The following FBXL18 variants were observed in gnomAD, a reference collection of about 807,000 sequenced individuals.
FBXL18 encodes the protein F-box/LRR-repeat protein 18.
In FBXL18, 36 loss-of-function variants were observed where a neutral mutation model predicts 46.0. That is an observed-to-expected ratio of 0.78 (90% CI 0.60 to 1.03). The LOEUF (loss-of-function observed/expected upper bound fraction) is 1.03. FBXL18 is among the 50% of genes least tolerant of loss of function. The probability of loss-of-function intolerance (pLI) is 0.00; values close to 1 mark genes in which losing one functional copy is unlikely to be tolerated. For missense variants in FBXL18, 977 were observed against 1,004.1 expected (o/e 0.97, Z 0.36); for synonymous variants, 557 against 465.3 (o/e 1.20, Z -2.54).
rs1562683254 is a variant in FBXL18, at chr7:5,480,546, ATATTTTTTT to A, written c.*1220_*1228del. On this transcript the variant is annotated 3_prime_UTR_variant, in exon 5 of 5. Transcript: ENST00000382368. ...GTGTTGAATATATATATATATATAT[ATATTTTTTT>A]TTTTTTTTTTTTTTTTTTTTTTTTT... 1.8e-5 allele frequency: 1 copy of A among 55,412 alleles called. No homozygotes were observed. The highest frequency in any genetic ancestry group is 7.5e-5 in the African/African-American group (1 of 13,282). The allele number at this position is 55,412 out of a possible 1,614,324, so 3.4% of individuals were successfully genotyped here. A position where few individuals can be genotyped will look rare whatever the true frequency, so the allele number is the denominator to read the frequency against.
At chr7:5,492,540 GC>G (rs1218382512) in intron 3 of FBXL18, among the ~76,000 whole-genome samples, 4 of 151,840 alleles carry the variant, frequency 2.6e-5, no homozygotes, top group African/African-American at 4.8e-5. Context: ...GAGCTGCGAC[GC>G]CCCCCCACAC....
At chr7:5,499,438 A>T (rs1784171090) in intron 3 of FBXL18, among the ~76,000 whole-genome samples, 2 of 152,208 alleles carry the variant, frequency 1.3e-5, no homozygotes, top group African/African-American at 4.8e-5. Context: ...CCCAGAAAGC[A>T]TCTGCCTTGC....
intron 4 of FBXL18, among the ~76,000 whole-genome samples, chr7:5,468,049 C>G (rs934382693): frequency 2.0e-5 from 3 of 150,250 alleles, no homozygotes; most frequent in Non-Finnish European, 3.0e-5. Flanking sequence ...GTGGCACGAT[C>G]TCGGCTCACT....
At chr7:5,475,068 C>T (rs1474479918), downstream of FBXL18, among the ~76,000 whole-genome samples, 1 of 150,248 alleles carries the variant, frequency 6.7e-6, no homozygotes, top group Non-Finnish European at 1.5e-5. The surrounding 1 kb of genome is among the most constrained non-coding windows in gnomAD (Gnocchi z 4.2). Context: ...CCTGTCATCC[C>T]AGCACTTTGG....
In FBXL18 at chr7:5,501,435, G is replaced by T. The variant is rs1249331140; in HGVS notation, c.834C>A (p.Ala278=). 6.2e-7 allele frequency: 1 copy of T among 1,613,456 alleles called. No homozygotes were observed. Among genetic ancestry groups the T allele is most frequent in the Admixed American group, 1.7e-5 (1 of 60,012 alleles). The change falls in exon 3 of 5, where the codon GCC becomes GCA. Residue 278 remains alanine (A), a synonymous_variant. Coordinates refer to ENST00000382368, the MANE Select transcript of FBXL18 (RefSeq NM_024963.6). ...CCATGGAGTCCAGGAGGTTCTTGGT[G>T]GCGCCGCTCTCCGCGAAGCTGCCAG... The part of the protein sequence containing the change: ...SVPGSFAESG[A]TKNLLDSMAR...
chr7:5,485,092 T>C (rs1783739938), intron 4 of FBXL18, among the ~76,000 whole-genome samples: 1 of 152,172 alleles, frequency 6.6e-6, no homozygotes, highest in Non-Finnish European at 1.5e-5. Context: ...AGGATTCGTT[T>C]CTCGCCACAA....
chr7:5,513,749 G>A lies in FBXL18; in HGVS notation c.-75C>T. 6.5e-7 allele frequency: 1 copy of A among 1,550,266 alleles called. No homozygotes were observed. The highest frequency in any genetic ancestry group is 8.7e-7 in the Non-Finnish European group (1 of 1,146,320). ...CCCACCTGCCCGGCTAGGGATGCTC[G>A]AAGCCGGCGCGTCCACCGCTCAACC... On this transcript the variant is annotated 5_prime_UTR_variant, in exon 1 of 5. Transcript: ENST00000382368.
Position 5,500,541 on chromosome 7 carries a change from G to A in FBXL18, c.1728C>T (p.Tyr576=), listed in dbSNP as rs1210757399. 8.7e-6 allele frequency: 14 copies of A among 1,613,506 alleles called. No homozygotes were observed. Among genetic ancestry groups the A allele is most frequent in the Admixed American group, 1.7e-5 (1 of 60,014 alleles). The change falls in exon 3 of 5, where the codon TAC becomes TAT. Residue 576 remains tyrosine (Y), a synonymous_variant. Transcript: ENST00000382368. ...TCAACATGTCTGAGAGCGCGGGCAT[G>A]TACACCACCTTCCCCATCATGCCCA... The part of the protein sequence containing the change: ...ANLGMMGKVV[Y]MPALSDMLKH...
chr7:5,479,450 G>C lies in FBXL18; in HGVS notation c.*2325C>G, dbSNP rs1036212347. ...GGCCACTCGCCCCTGCCTGGTCGGA[G>C]AGCAAGAAGTGGTCAGTCCCAGGAG... On this transcript the variant is annotated 3_prime_UTR_variant, in exon 5 of 5. Coordinates refer to ENST00000382368, the MANE Select transcript of FBXL18 (RefSeq NM_024963.6). 6.6e-6 allele frequency: 1 copy of C among 152,236 alleles called. No homozygotes were observed. The highest frequency in any genetic ancestry group is 1.5e-5 in the Non-Finnish European group (1 of 68,070). The allele number at this position is 152,236 out of a possible 1,614,324, so 9.4% of individuals were successfully genotyped here.
At chr7:5,492,919 T>G (rs968645788) in intron 3 of FBXL18, among the ~76,000 whole-genome samples, 3 of 152,162 alleles carry the variant, frequency 2.0e-5, no homozygotes, top group Non-Finnish European at 2.9e-5. Context: ...GCCTGTTGCA[T>G]GAAGCCACTC....
intron 4 of FBXL18, among the ~76,000 whole-genome samples, chr7:5,485,010 G>A (rs1783737931): frequency 6.6e-6 from 1 of 152,060 alleles, no homozygotes; most frequent in African/African-American, 2.4e-5. Flanking sequence ...TCAAACTCCT[G>A]GGCTCAAACA....
chr7:5,513,762 C>T lies in FBXL18; in HGVS notation c.-88G>A. ...CTAGGGATGCTCGAAGCCGGCGCGT[C>T]CACCGCTCAACCGAGACCCCGGCAA... On this transcript the variant is annotated 5_prime_UTR_variant, in exon 1 of 5. Transcript: ENST00000382368. 1.3e-6 allele frequency: 2 copies of T among 1,528,408 alleles called. No homozygotes were observed. The highest frequency in any genetic ancestry group is 1.8e-6 in the Non-Finnish European group (2 of 1,131,606). 94.7% of individuals were successfully genotyped at this position (1,528,408 alleles called of 1,614,324 possible).
downstream of FBXL18, among the ~76,000 whole-genome samples, chr7:5,475,100 C>G (rs1292999705): frequency 6.6e-6 from 1 of 150,878 alleles, no homozygotes; most frequent in African/African-American, 2.4e-5. This position sits in a 1 kb window ranked among gnomAD's most constrained non-coding sequence, Gnocchi z 4.2. Flanking sequence ...GGGTGGATCA[C>G]TTGAGGTCAG....
At chr7:5,465,155 T>C (rs1350514879) in intron 4 of FBXL18, among the ~76,000 whole-genome samples, 2 of 152,314 alleles carry the variant, frequency 1.3e-5, no homozygotes, top group East Asian at 1.9e-4. Context: ...CTGGGATCAA[T>C]AGACTGTGAA....
chr7:5,456,081 G>A (rs1282722633), intron 4 of FBXL18, among the ~76,000 whole-genome samples: 1 of 151,910 alleles, frequency 6.6e-6, no homozygotes, highest in Non-Finnish European at 1.5e-5. Context: ...CACTGGCCCG[G>A]TCACCCCACC....
chr7:5,469,515 G>T (rs1247563019), intron 4 of FBXL18, among the ~76,000 whole-genome samples: 1 of 152,040 alleles, frequency 6.6e-6, no homozygotes, highest in Non-Finnish European at 1.5e-5. Flanking sequence ...TTGTGCACGT[G>T]AGTGTGAATG....
chr7:5,490,167 C>A (rs1425663624), intron 4 of FBXL18: 7 of 1,355,994 alleles, frequency 5.2e-6, no homozygotes, highest in Admixed American at 3.8e-5. Flanking sequence ...GCTCTTCTCG[C>A]AACTCTGTGA....
chr7:5,500,443 GC>G (rs760809231), intron 3 of FBXL18, 44 bp downstream of exon 3: 1 of 1,527,758 alleles, frequency 6.5e-7, no homozygotes, highest in Non-Finnish European at 8.8e-7. Context: ...AGTTCCCTCC[GC>G]CAGCTTCCAG....
downstream of FBXL18, among the ~76,000 whole-genome samples, chr7:5,474,898 C>T (rs188688204): frequency 5.3e-3 from 793 of 149,420 alleles, 8 homozygotes; most frequent in African/African-American, 0.019. Context: ...TCAGTAGAGA[C>T]GGGGTTTCAC....
Sources: gnomAD v4.1 joint callset for allele counts (sites outside exome capture counted in the v4.1 genomes callset) on GRCh38, gnomAD v4.1.1 for gene constraint, Gnocchi (gnomAD v3.1) non-coding constraint, MANE v1.5 for transcripts, NCBI Gene and HGNC (gene_info 2026-07-23, HGNC 2026-07-21) for gene names.